Variants in RANBP9 observed in about 807,000 individuals in gnomAD.
The protein encoded by RANBP9 is ran-binding protein 9.
RANBP9 carries 15 observed loss-of-function variants against 84.3 expected under a neutral mutation model. The ratio of observed to expected loss-of-function variants is 0.18; its 90% CI spans 0.12 to 0.27. RANBP9 has a LOEUF of 0.27. Among genes scored for constraint, RANBP9 ranks in the 10% least tolerant of loss-of-function variants. The pLI is 1.00. For missense variants in RANBP9, 809 were observed against 912.8 expected (o/e 0.89, Z 1.46); for synonymous variants, 392 against 349.6 (o/e 1.12, Z -1.35).
chr6:13,701,218 T>TCC (rs1757960592), intron 1 of RANBP9, among the ~76,000 whole-genome samples: 2 of 152,132 alleles, frequency 1.3e-5, no homozygotes, highest in Non-Finnish European at 2.9e-5. Context: ...AATGACACTC[T>TCC]CAGTATCATA....
At chr6:13,625,439 A>C (rs945147609) in intron 13 of RANBP9, among the ~76,000 whole-genome samples, 5 of 152,140 alleles carry the variant, frequency 3.3e-5, no homozygotes, top group African/African-American at 1.2e-4. Context: ...AAACATCCCA[A>C]GTTGTACCCC....
intron 2 of RANBP9, among the ~76,000 whole-genome samples, chr6:13,680,006 G>C (rs559588474): frequency 1.3e-5 from 2 of 152,098 alleles, no homozygotes; most frequent in East Asian, 3.9e-4. Flanking sequence ...AAGCTAATTG[G>C]AACACAAAGT....
intron 8 of RANBP9, 40 bp downstream of exon 8, chr6:13,641,159 T>C (rs765690637): frequency 5.1e-6 from 6 of 1,188,114 alleles, no homozygotes; most frequent in Admixed American, 5.2e-5. Context: ...CAAATATTTA[T>C]AATATATAAC....
chr6:13,667,797 C>T (rs965636113), intron 2 of RANBP9, among the ~76,000 whole-genome samples: 2 of 152,122 alleles, frequency 1.3e-5, no homozygotes, highest in African/African-American at 2.4e-5. Context: ...TAAGTACATT[C>T]TATGATATTC....
chr6:13,650,443 A>G (rs1765271190), intron 5 of RANBP9, among the ~76,000 whole-genome samples: 2 of 152,156 alleles, frequency 1.3e-5, no homozygotes, highest in Admixed American at 1.3e-4. Context: ...CATCTCTTTC[A>G]AAACATCTCT....
chr6:13,697,453 C>A (rs369979170), intron 1 of RANBP9, among the ~76,000 whole-genome samples: 1 of 152,192 alleles, frequency 6.6e-6, no homozygotes, highest in Non-Finnish European at 1.5e-5. Context: ...TTCATAAAAT[C>A]TCTTGGGCCA....
chr6:13,681,859 CCTT>C lies in RANBP9; in HGVS notation c.683+14923_683+14925del, dbSNP rs370305614. ...GATGACGTGAACCTTCTGTGAAGTG[CCTT>C]CTTTCCTTTTTTTTTTGAGAGAGAG... On this transcript the variant is annotated intron_variant, in intron 2 of 13. Coordinates refer to ENST00000011619, the MANE Select transcript of RANBP9 (RefSeq NM_005493.3). Among the ~76,000 whole-genome samples, 48 of 151,926 alleles carry C rather than the reference CCTT, an allele frequency of 3.2e-4. No individual in the cohort carries two copies. The South Asian group carries it at 3.7e-3, about 12-fold the overall frequency.
intron 8 of RANBP9, among the ~76,000 whole-genome samples, chr6:13,640,971 A>G (rs1765049842): frequency 6.6e-6 from 1 of 152,210 alleles, no homozygotes; most frequent in Admixed American, 6.5e-5. Flanking sequence ...TTTTAAACAC[A>G]TAAATAGAAT....
intron 2 of RANBP9, among the ~76,000 whole-genome samples, chr6:13,679,810 G>A (rs917647955): frequency 7.2e-5 from 11 of 152,038 alleles, no homozygotes; most frequent in South Asian, 2.1e-4. Flanking sequence ...ACTGAGATGC[G>A]TTTTACTGTT....
chr6:13,644,750 T>C (rs1487566741), intron 5 of RANBP9, 21 bp from the exon 6 acceptor site: 11 of 1,516,418 alleles, frequency 7.3e-6, no homozygotes, highest in Non-Finnish European at 1.8e-6. Context: ...GCATATTTCA[T>C]TAAACATCTA....
intron 2 of RANBP9, among the ~76,000 whole-genome samples, chr6:13,674,647 A>G (rs1765849352): frequency 6.6e-6 from 1 of 152,186 alleles, no homozygotes; most frequent in Non-Finnish European, 1.5e-5. Flanking sequence ...ATTAGGCATA[A>G]CTGAAACCTG....
intron 2 of RANBP9, among the ~76,000 whole-genome samples, chr6:13,686,106 CCCCCCCCCCG>C (rs1431009974): frequency 0.12 from 252 of 2,072 alleles, 22 homozygotes; most frequent in East Asian, 0.29. Context: ...TTCTTCCCCC[CCCCCCCCCCG>C]CCCCCCGAAA....
intron 2 of RANBP9, among the ~76,000 whole-genome samples, chr6:13,670,298 T>TA (rs1051587750): frequency 7.9e-5 from 12 of 151,496 alleles, no homozygotes; most frequent in African/African-American, 1.9e-4. Context: ...GTCTCAAAAA[T>TA]AAAAAAATAT....
intron 10 of RANBP9, among the ~76,000 whole-genome samples, 189 bp downstream of exon 10, chr6:13,637,619 C>G (rs1253636476): frequency 6.6e-6 from 1 of 152,104 alleles, no homozygotes; most frequent in African/African-American, 2.4e-5. Flanking sequence ...AAGGAAAGAG[C>G]TCATGTGCAT....
In RANBP9 at chr6:13,671,787, C is replaced by T. The variant is rs148016229; in HGVS notation, c.684-12955G>A. Reference sequence around the variant, plus strand: ...TGTACATGAATTATACATCTCAATACAACTCTCATTAAAAAAATAAAGATG... The same window carrying T: ...TGTACATGAATTATACATCTCAATATAACTCTCATTAAAAAAATAAAGATG... On this transcript the variant is annotated intron_variant, in intron 2 of 13. Transcript: ENST00000011619. Among the ~76,000 whole-genome samples the T allele has an allele frequency of 2.3e-3, 352 of 151,966 alleles. 2 individuals carry two copies. Among genetic ancestry groups the T allele is most frequent in the African/African-American group, 8.1e-3 (337 of 41,460 alleles).
In RANBP9 at chr6:13,632,376, C is replaced by T. The variant is rs1162424702; in HGVS notation, c.1941G>A (p.Met647Ile). The T allele has an allele frequency of 2.5e-6, 4 of 1,606,546 alleles. No homozygotes were observed. The highest frequency in any genetic ancestry group is 3.4e-6 in the Non-Finnish European group (4 of 1,177,746). ...DCGKNTANKKMLKDAFSLLAY... is the reference protein window; with the variant it reads ...DCGKNTANKKILKDAFSLLAY... ...CAAGAAAAAATATATTCACCTTCAA[C>T]ATTTTTTTGTTTGCAGTGTTCTTGC... Residue 647 changes from methionine to isoleucine, a missense_variant, in exon 12 of 14, where the codon ATG becomes ATA. Met to Ile is a conservative substitution (Grantham distance 10). Transcript: ENST00000011619.
intron 10 of RANBP9, among the ~76,000 whole-genome samples, chr6:13,634,791 G>C (rs1449903921): frequency 6.6e-6 from 1 of 152,180 alleles, no homozygotes; most frequent in Admixed American, 6.5e-5. Flanking sequence ...CTAAAATGTA[G>C]TGGTTTTATG....
chr6:13,659,287 C>A, intron 2 of RANBP9, among the ~76,000 whole-genome samples: 1 of 151,214 alleles, frequency 6.6e-6, no homozygotes, highest in Non-Finnish European at 1.5e-5. Flanking sequence ...CACACACACA[C>A]ACACACACGG....
intron 2 of RANBP9, among the ~76,000 whole-genome samples, chr6:13,677,360 T>C (rs770139191): frequency 1.1e-4 from 16 of 152,030 alleles, no homozygotes; most frequent in Non-Finnish European, 1.9e-4. Context: ...GCTAAATAAA[T>C]AGAAAAATAG....
Sources: gnomAD v4.1 joint callset for allele counts (sites outside exome capture counted in the v4.1 genomes callset) on GRCh38, gnomAD v4.1.1 for gene constraint, MANE v1.5 for transcripts, NCBI Gene and HGNC (gene_info 2026-07-23, HGNC 2026-07-21) for gene names.